Variants in DSCAM observed in about 807,000 individuals in gnomAD.
The protein encoded by DSCAM is DS cell adhesion molecule, also known as cell adhesion molecule DSCAM.
Under a neutral mutation model 217.7 loss-of-function variants are expected in DSCAM, and 47 were observed. The ratio of observed to expected loss-of-function variants is 0.22; its 90% CI spans 0.17 to 0.28. The LOEUF (loss-of-function observed/expected upper bound fraction) is 0.28, where lower values mean the gene tolerates loss of function less well. Among genes scored for constraint, DSCAM ranks in the 10% least tolerant of loss-of-function variants. The pLI is 1.00. For synonymous variants in DSCAM, 1,056 were observed against 1,015.3 expected, an observed-to-expected ratio of 1.04 and a Z score of -0.76; for missense variants, 2,080 against 2,618.3, an observed-to-expected ratio of 0.79 and a Z score of 4.49.
At chr21:40,627,224 C>T (rs1036301670) in intron 3 of DSCAM, among the ~76,000 whole-genome samples, 1 of 152,104 alleles carries the variant, frequency 6.6e-6, no homozygotes, top group African/African-American at 2.4e-5. Context: ...GAAGTGAATG[C>T]AAAGAACTAG....
chr21:40,427,786 G>C (rs562629373), intron 3 of DSCAM, among the ~76,000 whole-genome samples: 1 of 152,334 alleles, frequency 6.6e-6, no homozygotes, highest in South Asian at 2.1e-4. Flanking sequence ...GCTGCCTGCC[G>C]CATGTGGCCT....
intron 3 of DSCAM, among the ~76,000 whole-genome samples, chr21:40,397,733 A>C (rs952666958): frequency 6.6e-6 from 1 of 151,930 alleles, no homozygotes; most frequent in African/African-American, 2.4e-5. Flanking sequence ...TGGCGGTACT[A>C]CTACTACCAC....
chr21:40,142,035 G>A (rs1292193525), intron 18 of DSCAM, among the ~76,000 whole-genome samples: 2 of 143,386 alleles, frequency 1.4e-5, no homozygotes, highest in East Asian at 3.9e-4. Context: ...GAGGAGAAGG[G>A]GAAGGAAGAG....
At chr21:40,841,946 G>A (rs2092105055) in intron 1 of DSCAM, among the ~76,000 whole-genome samples, 1 of 152,198 alleles carries the variant, frequency 6.6e-6, no homozygotes, top group Admixed American at 6.5e-5. Flanking sequence ...GGTTGCCTTT[G>A]CCCGGTTCCT....
At chr21:40,400,557 G>A (rs1469259961) in intron 3 of DSCAM, among the ~76,000 whole-genome samples, 1 of 152,122 alleles carries the variant, frequency 6.6e-6, no homozygotes. Context: ...TAGGCTGGAA[G>A]GCAGTGGCAT....
intron 1 of DSCAM, among the ~76,000 whole-genome samples, chr21:40,805,509 T>G (rs1050104431): frequency 5.9e-5 from 9 of 152,136 alleles, no homozygotes; most frequent in African/African-American, 2.2e-4. Flanking sequence ...ATGAACCTAC[T>G]TAGCTTGTTC....
chr21:40,139,050 T>C (rs550897207), intron 18 of DSCAM, among the ~76,000 whole-genome samples: 214 of 144,090 alleles, frequency 1.5e-3, no homozygotes, highest in African/African-American at 5.0e-3. Context: ...GTGTTGTGTG[T>C]GTGTGTATGT....
intron 3 of DSCAM, among the ~76,000 whole-genome samples, chr21:40,389,126 A>C (rs1033033338): frequency 6.6e-6 from 1 of 152,208 alleles, no homozygotes; most frequent in African/African-American, 2.4e-5. Context: ...TTGAGAGTAC[A>C]AAAGGGTTTT....
intron 3 of DSCAM, among the ~76,000 whole-genome samples, chr21:40,408,224 G>A (rs2075294920): frequency 6.6e-6 from 1 of 152,062 alleles, no homozygotes. Context: ...GGTTAGCATT[G>A]ACAATTTTCA....
chr21:40,300,008 C>T (rs1044560551), intron 9 of DSCAM, among the ~76,000 whole-genome samples: 27 of 152,044 alleles, frequency 1.8e-4, no homozygotes, highest in African/African-American at 5.8e-4. Context: ...TTTGACCCCT[C>T]CCAGAATTGC....
intron 3 of DSCAM, among the ~76,000 whole-genome samples, chr21:40,550,865 G>C (rs1021508469): frequency 6.6e-6 from 1 of 152,138 alleles, no homozygotes; most frequent in African/African-American, 2.4e-5. Context: ...AAACAGCAGG[G>C]CTGCTTACAG....
chr21:40,417,463 C>T (rs943861931), intron 3 of DSCAM, among the ~76,000 whole-genome samples: 4 of 151,836 alleles, frequency 2.6e-5, no homozygotes, highest in South Asian at 2.1e-4. Flanking sequence ...TTTCTGAGTA[C>T]AATAGAAAAT....
chr21:40,075,091 G>T lies in DSCAM; in HGVS notation c.4834C>A (p.Leu1612Ile), dbSNP rs1042694601. Residue 1612 changes from leucine (L) to isoleucine (I), a missense_variant, in exon 27 of 33, where the codon CTC becomes ATC. Around this residue, in one of 5 missense-constraint regions of DSCAM, gnomAD observed 1,144 missense variants for 1,421.1 expected, o/e 0.81. Transcript: ENST00000400454. ...ILVGVLLLFV[L>I]LLVVRRRRRE... ...CGCCTCCTCCGCACAACCAGCAGGA[G>T]CACAAACAGCAGCAAGACCCCCACC... is the stretch of plus-strand genomic sequence containing the variant. 6.2e-7 allele frequency: 1 copy of T among 1,614,080 alleles called. No homozygotes were observed. Among genetic ancestry groups the T allele is most frequent in the African/African-American group, 1.3e-5 (1 of 74,922 alleles).
chr21:40,388,717 A>T (rs1383613423), intron 3 of DSCAM, among the ~76,000 whole-genome samples: 1 of 152,188 alleles, frequency 6.6e-6, no homozygotes, highest in Non-Finnish European at 1.5e-5. Flanking sequence ...CAAACTTCAC[A>T]TTCTGGAAAG....
chr21:40,074,974 C>T (rs1442296079), intron 27 of DSCAM, 63 bp downstream of exon 27: 8 of 1,551,248 alleles, frequency 5.2e-6, no homozygotes, highest in Non-Finnish European at 7.0e-6. Context: ...CAGCTGGCAT[C>T]TCTCCCATTG....
At chr21:40,080,439 T>G (rs2089439336) in intron 24 of DSCAM, 99 bp from the exon 25 acceptor site, 1 of 1,067,004 alleles carries the variant, frequency 9.4e-7, no homozygotes, top group Non-Finnish European at 1.3e-6. Flanking sequence ...ACGAGCATTC[T>G]CAGAACTGAA....
At chr21:40,660,202 T>C (rs909236450) in intron 3 of DSCAM, among the ~76,000 whole-genome samples, 1 of 152,274 alleles carries the variant, frequency 6.6e-6, no homozygotes, top group East Asian at 1.9e-4. Context: ...GCCACAGATA[T>C]GCTTAACTTG....
At chr21:40,347,108 G>C (rs1484357324) in intron 6 of DSCAM, among the ~76,000 whole-genome samples, 1 of 152,082 alleles carries the variant, frequency 6.6e-6, no homozygotes, top group African/African-American at 2.4e-5. Context: ...AGACCAGCCT[G>C]ACCAACATGG....
intron 20 of DSCAM, among the ~76,000 whole-genome samples, chr21:40,110,748 A>T: frequency 6.6e-6 from 1 of 152,266 alleles, no homozygotes; most frequent in Non-Finnish European, 1.5e-5. Flanking sequence ...AAACCACAGC[A>T]TGAGAACTAC....
Sources: gnomAD v4.1 joint callset for allele counts (sites outside exome capture counted in the v4.1 genomes callset) on GRCh38, gnomAD v4.1.1 for gene constraint, gnomAD v4.1.1 regional missense constraint, MANE v1.5 for transcripts, NCBI Gene and HGNC (gene_info 2026-07-23, HGNC 2026-07-21) for gene names.